TMEM217B: variants seen among roughly 807,000 people sequenced by gnomAD.
TMEM217B encodes the protein putative transmembrane protein 217B.
the TMEM217B span, among the ~76,000 whole-genome samples, chr6:37,233,854 A>G: frequency 3.3e-4 from 50 of 152,254 alleles, no homozygotes; most frequent in African/African-American, 1.2e-3. Flanking sequence ...CCACTTTACA[A>G]TGGTGCAAAA....
At chr6:37,229,171 T>C in the TMEM217B span, among the ~76,000 whole-genome samples, 1 of 151,880 alleles carries the variant, frequency 6.6e-6, no homozygotes, top group Admixed American at 6.6e-5. Flanking sequence ...TTTGTATTAT[T>C]TATGCATTCA....
the TMEM217B span, chr6:37,212,952 G>A: frequency 6.5e-7 from 1 of 1,549,456 alleles, no homozygotes; most frequent in Admixed American, 2.0e-5. Context: ...CCATGAGGGA[G>A]AACATCCTGA....
the TMEM217B span, chr6:37,218,536 G>A: frequency 6.2e-7 from 1 of 1,614,160 alleles, no homozygotes; most frequent in Non-Finnish European, 8.5e-7. Context: ...TTCGTCTCTT[G>A]TAGGAAATTA....
the TMEM217B span, chr6:37,215,212 T>G: frequency 6.2e-7 from 1 of 1,613,850 alleles, no homozygotes. Context: ...CAGACATCTA[T>G]TGTGTATCTA....
the TMEM217B span, among the ~76,000 whole-genome samples, chr6:37,255,194 G>A: frequency 2.0e-5 from 3 of 152,150 alleles, no homozygotes; most frequent in African/African-American, 4.8e-5. Context: ...GAAAAATAGA[G>A]CCAGGCAATA....
the TMEM217B span, chr6:37,218,061 TG>T: frequency 4.2e-5 from 42 of 1,000,668 alleles, no homozygotes; most frequent in Middle Eastern, 5.1e-4. Context: ...TAAGCAAAAG[TG>T]GGGGGAAAAA....
At chr6:37,217,914 C>T in the TMEM217B span, 4 of 986,020 alleles carry the variant, frequency 4.1e-6, no homozygotes, top group Non-Finnish European at 4.8e-6. Context: ...GGTGAGTTCA[C>T]AGAAGTTTTG....
At chr6:37,235,986 T>C in the TMEM217B span, among the ~76,000 whole-genome samples, 1 of 152,190 alleles carries the variant, frequency 6.6e-6, no homozygotes, top group Non-Finnish European at 1.5e-5. Context: ...TATCTTTATG[T>C]AGAGTTTAAA....
At chr6:37,212,841 G>C in the TMEM217B span, 1 of 1,171,722 alleles carries the variant, frequency 8.5e-7, no homozygotes, top group Non-Finnish European at 1.2e-6. Context: ...CCGACTTTGA[G>C]TCCACGTAGA....
At chr6:37,258,128 G>A in the TMEM217B span, 1 of 831,408 alleles carries the variant, frequency 1.2e-6, no homozygotes, top group Non-Finnish European at 1.8e-6. Flanking sequence ...GTCAGGCAGC[G>A]AAGCGAACAG....
the TMEM217B span, among the ~76,000 whole-genome samples, chr6:37,221,258 C>T: frequency 2.6e-5 from 4 of 151,886 alleles, no homozygotes; most frequent in Non-Finnish European, 5.9e-5. Context: ...GCAATCTCAG[C>T]TCACTGTAAC....
At chr6:37,213,023 G>T in the TMEM217B span, 1 of 1,455,680 alleles carries the variant, frequency 6.9e-7, no homozygotes, top group Non-Finnish European at 9.3e-7. Context: ...ATACAGACAC[G>T]TGACAAGATG....
the TMEM217B span, among the ~76,000 whole-genome samples, chr6:37,241,679 T>G: frequency 6.6e-6 from 1 of 152,204 alleles, no homozygotes; most frequent in Non-Finnish European, 1.5e-5. Flanking sequence ...GATTGAATTT[T>G]TTTCTAGTCT....
the TMEM217B span, chr6:37,217,653 T>C: frequency 6.1e-6 from 6 of 985,316 alleles, no homozygotes; most frequent in Non-Finnish European, 7.2e-6. Context: ...GAATTTTCTC[T>C]ATTTTTATTC....
the TMEM217B span, chr6:37,257,881 C>T: frequency 2.5e-6 from 4 of 1,608,618 alleles, no homozygotes; most frequent in Middle Eastern, 1.7e-4. Context: ...CGGGCAAACC[C>T]TTGGCCCGCC....
the TMEM217B span, among the ~76,000 whole-genome samples, chr6:37,235,776 C>A: frequency 2.6e-5 from 4 of 152,182 alleles, no homozygotes; most frequent in African/African-American, 7.2e-5. Context: ...GTTGCTGTGT[C>A]CTCACAGGGA....
At chr6:37,227,872 T>G in the TMEM217B span, among the ~76,000 whole-genome samples, 1 of 152,102 alleles carries the variant, frequency 6.6e-6, no homozygotes, top group East Asian at 1.9e-4. Flanking sequence ...ACTTTGTATA[T>G]ATCTTGAGAT....
the TMEM217B span, among the ~76,000 whole-genome samples, chr6:37,235,045 A>G: frequency 6.6e-6 from 1 of 152,214 alleles, no homozygotes; most frequent in East Asian, 1.9e-4. Context: ...AAAACACAGT[A>G]TCTTCTTAAC....
At chr6:37,212,446 C>T in the TMEM217B span, 25 of 435,018 alleles carry the variant, frequency 5.7e-5, no homozygotes, top group East Asian at 1.4e-4. Flanking sequence ...CATTCCCAGA[C>T]GGACAGGTAG....
Sources: gnomAD v4.1 joint callset for allele counts (sites outside exome capture counted in the v4.1 genomes callset) on GRCh38, gnomAD v4.1.1 for gene constraint, MANE v1.5 for transcripts, NCBI Gene and HGNC (gene_info 2026-07-23, HGNC 2026-07-21) for gene names.